Variants in LDB2 observed in about 807,000 individuals in gnomAD.
LDB2 encodes LIM domain-binding protein 2.
A neutral mutation model predicts 44.3 loss-of-function variants in LDB2; 12 were observed. The observed-to-expected ratio is 0.27, with a 90% CI of 0.17 to 0.44. The LOEUF is 0.44. Ranked by LOEUF, LDB2 falls within the 20% of genes least tolerant of loss-of-function variation. The pLI is 1.00. For synonymous variants in LDB2, 164 were observed against 174.8 expected (o/e 0.94, Z 0.49); for missense variants, 344 against 473.5 (o/e 0.73, Z 2.54).
intron 2 of LDB2, among the ~76,000 whole-genome samples, chr4:16,693,883 T>G (rs574202147): frequency 2.0e-5 from 3 of 152,292 alleles, no homozygotes; most frequent in South Asian, 4.1e-4. Context: ...CACCATCCTT[T>G]CTCTCCCTCT....
intron 2 of LDB2, among the ~76,000 whole-genome samples, chr4:16,615,707 A>T (rs6851667): frequency 0.022 from 3,379 of 152,270 alleles, 123 homozygotes; most frequent in African/African-American, 0.077. Flanking sequence ...CATTCTGCAC[A>T]TGTATCCCAT....
chr4:16,799,454 G>C (rs1474021356), intron 1 of LDB2, among the ~76,000 whole-genome samples: 1 of 152,190 alleles, frequency 6.6e-6, no homozygotes, highest in Non-Finnish European at 1.5e-5. Flanking sequence ...ACAAATACTT[G>C]TCAGAGCCTA....
chr4:16,570,007 G>A (rs773532428), intron 5 of LDB2, among the ~76,000 whole-genome samples: 15 of 152,116 alleles, frequency 9.9e-5, no homozygotes, highest in South Asian at 6.2e-4. Context: ...TCGCAGAAGT[G>A]CTCTCAAGTA....
chr4:16,863,721 C>T (rs1333023377), intron 1 of LDB2, among the ~76,000 whole-genome samples: 3 of 132,994 alleles, frequency 2.3e-5, no homozygotes, highest in African/African-American at 5.8e-5. Context: ...AGCGCAGTGG[C>T]GCGATCTCGG....
At chr4:16,755,472 G>GGGGTGT (rs1412312264) in intron 2 of LDB2, among the ~76,000 whole-genome samples, 1 of 118,242 alleles carries the variant, frequency 8.5e-6, no homozygotes, top group Admixed American at 9.0e-5. Flanking sequence ...GTAGGAATAG[G>GGGGTGT]GTGTGTGTGT....
At chr4:16,627,785 C>A (rs377731585) in intron 2 of LDB2, among the ~76,000 whole-genome samples, 2 of 152,156 alleles carry the variant, frequency 1.3e-5, no homozygotes, top group African/African-American at 4.8e-5. Flanking sequence ...ATGAGAGAAG[C>A]GATGGGATAT....
chr4:16,871,968 A>G (rs1328894538), intron 1 of LDB2, among the ~76,000 whole-genome samples: 2 of 152,178 alleles, frequency 1.3e-5, no homozygotes, highest in African/African-American at 4.8e-5. Flanking sequence ...CATTTGGGCT[A>G]TGACTATAAG....
chr4:16,648,926 G>A (rs1299357129), intron 2 of LDB2, among the ~76,000 whole-genome samples: 1 of 151,806 alleles, frequency 6.6e-6, no homozygotes, highest in Admixed American at 6.6e-5. Flanking sequence ...TACAAAGCAG[G>A]GCAGAGTTTA....
chr4:16,504,393 A>ATGTT (rs1718534181), intron 7 of LDB2, among the ~76,000 whole-genome samples: 1 of 152,208 alleles, frequency 6.6e-6, no homozygotes, highest in Admixed American at 6.5e-5. Flanking sequence ...TTTCCAAACT[A>ATGTT]TGTTTTCTGA....
intron 2 of LDB2, among the ~76,000 whole-genome samples, chr4:16,637,810 A>G (rs1734028527): frequency 1.3e-5 from 2 of 151,958 alleles, no homozygotes; most frequent in South Asian, 2.1e-4. Flanking sequence ...CCACCAAGAG[A>G]GGGTCATAGC....
intron 2 of LDB2, among the ~76,000 whole-genome samples, chr4:16,755,325 C>A (rs1766307418): frequency 6.6e-6 from 1 of 152,156 alleles, no homozygotes; most frequent in African/African-American, 2.4e-5. Flanking sequence ...GCACAGAGGG[C>A]TTTGAGGAAC....
intron 1 of LDB2, among the ~76,000 whole-genome samples, chr4:16,771,939 G>C (rs1024933688): frequency 6.6e-6 from 1 of 152,320 alleles, no homozygotes; most frequent in African/African-American, 2.4e-5. Flanking sequence ...CGTCATTGCT[G>C]TGTAGGGAGC....
intron 5 of LDB2, among the ~76,000 whole-genome samples, chr4:16,518,915 C>A (rs930553511): frequency 2.0e-5 from 3 of 152,320 alleles, no homozygotes; most frequent in Admixed American, 2.0e-4. Context: ...GTCGCCCACA[C>A]TAAGTCACAC....
chr4:16,573,409 T>C (rs914193683), intron 5 of LDB2, among the ~76,000 whole-genome samples: 2 of 152,190 alleles, frequency 1.3e-5, no homozygotes, highest in African/African-American at 4.8e-5. Context: ...AATTGGTCTA[T>C]ATCCCAGTCA....
At chr4:16,674,443 G>C (rs1259740243) in intron 2 of LDB2, 1 of 418,918 alleles carries the variant, frequency 2.4e-6, no homozygotes. Context: ...ATCATTCATT[G>C]AGTGTCCACG....
At chr4:16,834,870 G>A (rs890938087) in intron 1 of LDB2, among the ~76,000 whole-genome samples, 1 of 151,310 alleles carries the variant, frequency 6.6e-6, no homozygotes, top group Admixed American at 6.6e-5. Flanking sequence ...GGAAGGCTCT[G>A]TCGTGTTCAC....
chr4:16,816,127 G>C (rs116572263), intron 1 of LDB2, among the ~76,000 whole-genome samples: 4,167 of 152,160 alleles, frequency 0.027, 203 homozygotes, highest in African/African-American at 0.095. Flanking sequence ...AGAATTACTT[G>C]AACCCTGGAA....
At chr4:16,597,780 G>A (rs12500134) in intron 2 of LDB2, among the ~76,000 whole-genome samples, 32,149 of 152,020 alleles carry the variant, frequency 0.21, 3,447 homozygotes, top group East Asian at 0.32. Context: ...TATCACCATC[G>A]TTTTCATTCA....
chr4:16,775,450 T>C (rs1398911616), intron 1 of LDB2, among the ~76,000 whole-genome samples: 1 of 151,878 alleles, frequency 6.6e-6, no homozygotes, highest in Non-Finnish European at 1.5e-5. Context: ...CTGTAAAAAA[T>C]GGTAATAATA....
Sources: gnomAD v4.1 joint callset for allele counts (sites outside exome capture counted in the v4.1 genomes callset) on GRCh38, gnomAD v4.1.1 for gene constraint, MANE v1.5 for transcripts, NCBI Gene and HGNC (gene_info 2026-07-23, HGNC 2026-07-21) for gene names.